Variants in RYR3 observed in about 807,000 individuals in gnomAD.
The protein encoded by RYR3 is ryanodine receptor 3.
A neutral mutation model predicts 584.3 loss-of-function variants in RYR3; 207 were observed. The ratio of observed to expected loss-of-function variants is 0.35; its 90% CI spans 0.32 to 0.40. RYR3 has a LOEUF of 0.40. RYR3 is among the 10% of genes least tolerant of loss of function. RYR3 has a pLI of 1.00. For missense variants in RYR3, 5,616 were observed against 6,089.2 expected, an observed-to-expected ratio of 0.92 and a Z score of 2.59; for synonymous variants, 2,416 against 2,248.5, an observed-to-expected ratio of 1.07 and a Z score of -2.11.
chr15:33,526,502 A>G (rs73384659), intron 3 of RYR3, among the ~76,000 whole-genome samples: 2,756 of 152,292 alleles, frequency 0.018, 88 homozygotes, highest in African/African-American at 0.063. Flanking sequence ...TCTATGTAGC[A>G]TATCACACCT....
intron 3 of RYR3, among the ~76,000 whole-genome samples, chr15:33,526,855 A>G (rs2054433345): frequency 6.6e-6 from 1 of 152,218 alleles, no homozygotes; most frequent in African/African-American, 2.4e-5. Flanking sequence ...AAAGCAGAAA[A>G]TGTGACAGAG....
chr15:33,389,739 A>G (rs1031623525), intron 1 of RYR3, among the ~76,000 whole-genome samples: 9 of 152,218 alleles, frequency 5.9e-5, no homozygotes, highest in Non-Finnish European at 1.3e-4. Context: ...GGTAACATGC[A>G]AAACAGGCAT....
intron 32 of RYR3, among the ~76,000 whole-genome samples, chr15:33,657,553 A>G (rs1340270304): frequency 6.6e-6 from 1 of 152,228 alleles, no homozygotes; most frequent in Non-Finnish European, 1.5e-5. Flanking sequence ...CTTGTAGCTA[A>G]AGTCAGAACA....
In RYR3 at chr15:33,742,440, A is replaced by G; in HGVS notation, c.7895A>G (p.Asp2632Gly). 6.3e-7 allele frequency: 1 copy of G among 1,599,788 alleles called. No individual in the cohort carries two copies. The highest frequency in any genetic ancestry group is 8.6e-7 in the Non-Finnish European group (1 of 1,166,952). ...CATTCACATGATAAATGGGCCTGTG[A>G]CAAGGTAGGGATTATCATCCAACTG... ...AEHSHDKWACDKSQSGWKYGI... is the reference protein window; with the variant it reads ...AEHSHDKWACGKSQSGWKYGI... The change falls in exon 52 of 104, where the codon GAC becomes GGC. Residue 2632 changes from aspartate to glycine, a missense_variant. This residue lies in a region of RYR3 where 1,280 missense variants were observed against 1,426.2 expected (regional missense o/e 0.90). Coordinates refer to ENST00000634891, the MANE Select transcript of RYR3 (RefSeq NM_001036.6).
At chr15:33,714,946 A>G (rs149919020) in intron 43 of RYR3, among the ~76,000 whole-genome samples, 1,915 of 152,358 alleles carry the variant, frequency 0.013, 30 homozygotes, top group Non-Finnish European at 0.019. Context: ...ACCTACCTAC[A>G]TAGTGACACA....
chr15:33,453,609 A>G (rs1001105482), intron 1 of RYR3, among the ~76,000 whole-genome samples: 2 of 152,254 alleles, frequency 1.3e-5, no homozygotes, highest in African/African-American at 4.8e-5. Context: ...TCTGTATACA[A>G]ATGTTAACTG....
chr15:33,340,655 C>T (rs2140827197), intron 1 of RYR3, among the ~76,000 whole-genome samples: 1 of 152,262 alleles, frequency 6.6e-6, no homozygotes, highest in East Asian at 1.9e-4. Context: ...CTTGGTGTCC[C>T]TTCCTCTTCT....
At chr15:33,853,413 C>CT in intron 95 of RYR3, 142 bp from the exon 96 acceptor site, 3 of 1,137,908 alleles carry the variant, frequency 2.6e-6, no homozygotes, top group South Asian at 2.1e-5. Context: ...TGGGTTTTCT[C>CT]TTTTTTCTGC....
At chr15:33,699,259 C>CT (rs1394953905) in intron 40 of RYR3, among the ~76,000 whole-genome samples, 1 of 109,984 alleles carries the variant, frequency 9.1e-6, no homozygotes, top group Non-Finnish European at 1.8e-5. Flanking sequence ...TCTCTCCCCC[C>CT]CTTTCTCTCT....
At chr15:33,373,542 T>C (rs1487591591) in intron 1 of RYR3, among the ~76,000 whole-genome samples, 2 of 152,168 alleles carry the variant, frequency 1.3e-5, no homozygotes, top group Non-Finnish European at 1.5e-5. Flanking sequence ...CACCACAGAG[T>C]GGAACCTCAA....
At chr15:33,667,596 C>T (rs758883694) in intron 36 of RYR3, among the ~76,000 whole-genome samples, 8 of 151,992 alleles carry the variant, frequency 5.3e-5, no homozygotes, top group Non-Finnish European at 7.4e-5. Context: ...TAAGTACATA[C>T]GTTACTACAT....
At chr15:33,544,545 C>T (rs1381434544) in intron 8 of RYR3, among the ~76,000 whole-genome samples, 2 of 152,130 alleles carry the variant, frequency 1.3e-5, no homozygotes, top group Non-Finnish European at 2.9e-5. Flanking sequence ...TGCCACAGGT[C>T]ACACACTGGC....
intron 1 of RYR3, among the ~76,000 whole-genome samples, chr15:33,435,688 C>T (rs2045642362): frequency 6.6e-6 from 1 of 152,130 alleles, no homozygotes; most frequent in Non-Finnish European, 1.5e-5. Context: ...TTAAAGGTGG[C>T]ATGTCCGGAG....
intron 34 of RYR3, among the ~76,000 whole-genome samples, 158 bp from the exon 35 acceptor site, chr15:33,661,995 G>T (rs575132728): frequency 1.3e-5 from 2 of 152,304 alleles, no homozygotes; most frequent in South Asian, 4.1e-4. Context: ...CTGGAATACG[G>T]ACCAGAGCTG....
rs150590198 is a variant in RYR3 at position 33,788,204 on chromosome 15, C to T, written c.9590-14C>T. ...TAATACGTGAAATGACGGGGAGGCT[C>T]TTTGTAAACGCAGTGTATGCACAGC... On this transcript the variant is annotated splice_polypyrimidine_tract_variant and intron_variant, in intron 66 of 103. Transcript: ENST00000634891. The T allele has an allele frequency of 7.7e-5, 125 of 1,613,172 alleles. No homozygotes were observed. The African/African-American group carries it at 1.3e-3, about 17-fold the overall frequency.
chr15:33,632,240 G>A (rs1487315488), intron 23 of RYR3, among the ~76,000 whole-genome samples: 1 of 152,220 alleles, frequency 6.6e-6, no homozygotes, highest in African/African-American at 2.4e-5. Flanking sequence ...AATGGCCCTA[G>A]GGCCATAGAT....
chr15:33,805,736 C>G (rs1256842853), intron 69 of RYR3, among the ~76,000 whole-genome samples: 2 of 152,078 alleles, frequency 1.3e-5, no homozygotes, highest in Non-Finnish European at 2.9e-5. Context: ...CTCGGCCTCC[C>G]AAAGTGCTGG....
chr15:33,507,588 C>T (rs887800877), intron 3 of RYR3, among the ~76,000 whole-genome samples: 1 of 152,186 alleles, frequency 6.6e-6, no homozygotes, highest in Non-Finnish European at 1.5e-5. Flanking sequence ...ATTAGACCTA[C>T]AGTGTCTACC....
intron 1 of RYR3, among the ~76,000 whole-genome samples, chr15:33,322,414 T>C (rs2676084): frequency 0.71 from 107,466 of 151,978 alleles, 38,718 homozygotes; most frequent in African/African-American, 0.85. Context: ...TTCACAAGAA[T>C]CCCCTTTATC....
Sources: allele counts gnomAD v4.1 joint callset (sites outside exome capture counted in the v4.1 genomes callset), GRCh38; gene constraint gnomAD v4.1.1; regional missense constraint gnomAD v4.1.1; transcripts MANE v1.5; gene names NCBI Gene and HGNC (gene_info 2026-07-23, HGNC 2026-07-21).